The following NEDD4 variants were observed in gnomAD, a reference collection of about 807,000 sequenced individuals.
NEDD4 encodes E3 ubiquitin-protein ligase NEDD4.
Under a neutral mutation model 144.9 loss-of-function variants are expected in NEDD4, and 99 were observed. The ratio of observed to expected loss-of-function variants is 0.68; its 90% CI spans 0.58 to 0.81. NEDD4 has a LOEUF of 0.81. Among genes scored for constraint, NEDD4 ranks in the 30% least tolerant of loss-of-function variants. The pLI, the probability that NEDD4 is intolerant of heterozygous loss-of-function variation, is 0.00. For missense variants in NEDD4, 985 were observed against 1,065.9 expected, an observed-to-expected ratio of 0.92 and a Z score of 1.06; for synonymous variants, 318 against 350.6, an observed-to-expected ratio of 0.91 and a Z score of 1.04.
At chr15:55,852,297 A>C (rs1595749454) in intron 13 of NEDD4, 127 bp downstream of exon 13, 1 of 1,164,460 alleles carries the variant, frequency 8.6e-7, no homozygotes, top group East Asian at 2.8e-5. Context: ...CTCCATCTCA[A>C]AAAAATAAAA....
At chr15:55,844,827 A>G (rs1261052497) in intron 18 of NEDD4, among the ~76,000 whole-genome samples, 2 of 127,752 alleles carry the variant, frequency 1.6e-5, no homozygotes, top group Non-Finnish European at 1.7e-5. Context: ...TTTTTTTTTG[A>G]GACAGAGTAC....
At chr15:55,936,795 CT>C (rs762982574) in intron 4 of NEDD4, among the ~76,000 whole-genome samples, 164 of 141,358 alleles carry the variant, frequency 1.2e-3, no homozygotes, top group Admixed American at 1.2e-3. Flanking sequence ...TATTTCTTTT[CT>C]TTTTTTTTTT....
At chr15:55,926,978 A>G (rs1322097461) in intron 4 of NEDD4, among the ~76,000 whole-genome samples, 1 of 148,636 alleles carries the variant, frequency 6.7e-6, no homozygotes, top group Non-Finnish European at 1.5e-5. Context: ...TGGGAGGCTG[A>G]GGCAGGAGAA....
chr15:55,939,353 T>C (rs576349854), intron 4 of NEDD4, among the ~76,000 whole-genome samples: 4 of 152,218 alleles, frequency 2.6e-5, no homozygotes, highest in Admixed American at 1.3e-4. Context: ...TCTCCTACCA[T>C]CTTGTGGAGA....
chr15:55,955,196 G>GT (rs2037316442), intron 2 of NEDD4, among the ~76,000 whole-genome samples: 4 of 151,920 alleles, frequency 2.6e-5, no homozygotes, highest in South Asian at 4.2e-4. Flanking sequence ...TAATTGTTGT[G>GT]TTTTTTTGTA....
intron 1 of NEDD4, among the ~76,000 whole-genome samples, chr15:55,969,887 TAA>T (rs142815278): frequency 0.16 from 22,935 of 143,674 alleles, 1,907 homozygotes; most frequent in East Asian, 0.32. Context: ...GAGGGAAAAG[TAA>T]AAAAAAAAAA....
At chr15:55,853,414 G>A (rs2034070915) in intron 12 of NEDD4, among the ~76,000 whole-genome samples, 1 of 152,108 alleles carries the variant, frequency 6.6e-6, no homozygotes, top group Admixed American at 6.6e-5. Flanking sequence ...TCATTTTACT[G>A]GTGAGTAAAC....
intron 8 of NEDD4, among the ~76,000 whole-genome samples, chr15:55,864,798 C>G (rs959041464): frequency 5.9e-5 from 9 of 152,056 alleles, no homozygotes; most frequent in Non-Finnish European, 1.0e-4. Context: ...AAGATCAACC[C>G]TACCAGATAA....
intron 2 of NEDD4, among the ~76,000 whole-genome samples, chr15:55,957,124 G>C (rs1341171882): frequency 6.6e-6 from 1 of 152,026 alleles, no homozygotes; most frequent in Non-Finnish European, 1.5e-5. Flanking sequence ...ACTGATTTTG[G>C]GTTATACAAA....
chr15:55,912,794 C>T (rs2036317312), intron 5 of NEDD4, among the ~76,000 whole-genome samples: 1 of 152,120 alleles, frequency 6.6e-6, no homozygotes, highest in Non-Finnish European at 1.5e-5. Flanking sequence ...GATCAAAAGT[C>T]ATTATATAGC....
chr15:55,923,838 T>A (rs55874916), intron 5 of NEDD4, among the ~76,000 whole-genome samples: 28,036 of 150,388 alleles, frequency 0.19, 3,314 homozygotes, highest in Non-Finnish European at 0.28. Flanking sequence ...GACTTTTTTT[T>A]AAAAAAAAAG....
chr15:55,915,306 T>C (rs1395994606), intron 5 of NEDD4: 1 of 1,597,596 alleles, frequency 6.3e-7, no homozygotes, highest in East Asian at 2.2e-5. Flanking sequence ...AGACAGTTCA[T>C]TTGTGCAATC....
rs757149557 is a variant in NEDD4, at chr15:55,837,767, G to A, written c.2262+22C>T. 4.7e-5 allele frequency: 74 copies of A among 1,587,582 alleles called. No homozygotes were observed. The Admixed American group carries it at 1.1e-3, about 23-fold the overall frequency. Reference sequence around the variant, plus strand: ...GGTTATACTGTGACATTATGGAAGAGCAAATAAAAGAAAATGAATACCTCT... The same window carrying A: ...GGTTATACTGTGACATTATGGAAGAACAAATAAAAGAAAATGAATACCTCT... On this transcript the variant is annotated intron_variant, in intron 24 of 28. Transcript: ENST00000435532.
chr15:55,862,919 G>A lies in NEDD4; in HGVS notation c.668C>T (p.Thr223Ile). The change falls in exon 9 of 29, where the codon ACC (threonine) becomes ATC (isoleucine). Residue 223 changes from threonine (T) to isoleucine (I), a missense_variant. Thr to Ile is a moderately conservative substitution (Grantham distance 89). Transcript: ENST00000435532. ...ESRRTQWKRP[T>I]PQDNLTDAEN... ...GAAAGCCATCAGCACATACTGAGGG[G>A]TTGGTCTTTTCCACTGTGTTCTTCT... is the stretch of plus-strand genomic sequence containing the variant. The A allele has an allele frequency of 1.0e-5, 16 of 1,600,962 alleles. No homozygotes were observed. Among genetic ancestry groups the A allele is most frequent in the Non-Finnish European group, 1.4e-5 (16 of 1,172,078 alleles).
chr15:55,845,787 T>C (rs2033713763), intron 18 of NEDD4, among the ~76,000 whole-genome samples: 1 of 85,282 alleles, frequency 1.2e-5, no homozygotes, highest in South Asian at 4.6e-4. Context: ...GTTATTCTTT[T>C]TTTCTTTTTT....
intron 1 of NEDD4, among the ~76,000 whole-genome samples, chr15:55,976,687 T>C (rs138682936): frequency 0.13 from 19,604 of 149,284 alleles, 1,391 homozygotes; most frequent in East Asian, 0.32. Context: ...TGGAGTGCAG[T>C]GGTGCAATCT....
At chr15:55,894,350 T>C (rs2035671870) in intron 5 of NEDD4, among the ~76,000 whole-genome samples, 2 of 152,210 alleles carry the variant, frequency 1.3e-5, no homozygotes, top group African/African-American at 4.8e-5. Context: ...TGACAAAATT[T>C]ATGGGAGGAT....
intron 5 of NEDD4, among the ~76,000 whole-genome samples, chr15:55,890,221 C>T (rs372751271): frequency 2.0e-5 from 3 of 152,160 alleles, no homozygotes; most frequent in Non-Finnish European, 2.9e-5. Context: ...AATTCACATA[C>T]AATTAACCCA....
intron 4 of NEDD4, among the ~76,000 whole-genome samples, chr15:55,948,325 C>T (rs1376379918): frequency 6.6e-6 from 1 of 152,186 alleles, no homozygotes; most frequent in African/African-American, 2.4e-5. Flanking sequence ...AATGGAAGAA[C>T]ATTCCATACT....
Sources: allele counts gnomAD v4.1 joint callset (sites outside exome capture counted in the v4.1 genomes callset), GRCh38; gene constraint gnomAD v4.1.1; transcripts MANE v1.5; gene names NCBI Gene and HGNC (gene_info 2026-07-23, HGNC 2026-07-21).